USP34: variants seen among roughly 807,000 people sequenced by gnomAD.
The protein encoded by USP34 is ubiquitin specific peptidase 34, also known as ubiquitin carboxyl-terminal hydrolase 34.
USP34 carries 70 observed loss-of-function variants against 460.3 expected under a neutral mutation model. The observed-to-expected ratio is 0.15, with a 90% CI of 0.13 to 0.19. USP34 has a LOEUF of 0.19. USP34 is among the 10% of genes least tolerant of loss of function. USP34 has a pLI of 1.00. For missense variants in USP34, 3,985 were observed against 4,236.2 expected (o/e 0.94, Z 1.65); for synonymous variants, 1,647 against 1,405.3 (o/e 1.17, Z -3.85).
intron 16 of USP34, 42 bp from the exon 17 acceptor site, chr2:61,339,723 C>T (rs909192969): frequency 1.8e-6 from 2 of 1,090,678 alleles, no homozygotes; most frequent in Non-Finnish European, 2.5e-6. Context: ...TAGAGAAATG[C>T]AGCTGACTGA....
chr2:61,394,939 A>C lies in USP34; in HGVS notation c.667T>G (p.Ser223Ala), dbSNP rs767622887. 3.7e-6 allele frequency: 6 copies of C among 1,608,818 alleles called. No homozygotes were observed. The highest frequency in any genetic ancestry group is 5.1e-6 in the Non-Finnish European group (6 of 1,178,254). Reference protein sequence around the residue: ...VCLFCGKNGLSLMKDCFEYGT... With the variant: ...VCLFCGKNGLALMKDCFEYGT... ...TATTCAAAGCAATCCTTCATGAGAGAAAGGCCATTTTTCCCACAAAACAAA... is the reference window on the plus strand; with the variant it reads ...TATTCAAAGCAATCCTTCATGAGAGCAAGGCCATTTTTCCCACAAAACAAA... Residue 223 changes from serine to alanine, a missense_variant, in exon 5 of 80, where the codon TCT (serine) becomes GCT (alanine). Transcript: ENST00000398571.
intron 78 of USP34, 54 bp from the exon 79 acceptor site, chr2:61,189,123 AGTT>A: frequency 6.5e-7 from 1 of 1,545,566 alleles, no homozygotes; most frequent in South Asian, 1.2e-5. Flanking sequence ...ACTTTGATGC[AGTT>A]GTTTACAGTT....
chr2:61,406,869 G>A (rs183570026), intron 2 of USP34, among the ~76,000 whole-genome samples: 2 of 152,022 alleles, frequency 1.3e-5, no homozygotes, highest in African/African-American at 4.8e-5. Context: ...AAATAGCTGG[G>A]TATGGTGGTG....
At chr2:61,278,595 A>G in intron 39 of USP34, 152 bp from the exon 40 acceptor site, 1 of 594,952 alleles carries the variant, frequency 1.7e-6, no homozygotes, top group East Asian at 3.0e-5. Flanking sequence ...CTTTACTTAT[A>G]CATTATGTCA....
chr2:61,224,548 A>C (rs1029821563), intron 62 of USP34, among the ~76,000 whole-genome samples: 2 of 152,194 alleles, frequency 1.3e-5, no homozygotes, highest in Non-Finnish European at 2.9e-5. Context: ...GTCCTTGCTC[A>C]TTAATTAGCT....
rs202008155 is a variant in USP34 at position 61,468,131 on chromosome 2, G to GA, written c.43+2518dup. Among the ~76,000 whole-genome samples the GA allele has an allele frequency of 4.4e-4, 66 of 149,518 alleles. No homozygotes were observed. In the East Asian group the frequency reaches 7.2e-3, roughly 16 times the overall value. ...AGCCACGGATAAGCAAAGAACTACAGAAAAAAAAACAACTTTTAATAGTGT... is the reference window on the plus strand; with the variant it reads ...AGCCACGGATAAGCAAAGAACTACAGAAAAAAAAAACAACTTTTAATAGTGT... On this transcript the variant is annotated intron_variant, in intron 1 of 79. Transcript: ENST00000398571.
chr2:61,429,446 C>CA (rs1694602936), intron 1 of USP34, among the ~76,000 whole-genome samples: 1 of 151,948 alleles, frequency 6.6e-6, no homozygotes, highest in Non-Finnish European at 1.5e-5. Context: ...GACTCCGTCT[C>CA]AAAAAATAAA....
chr2:61,280,379 C>T (rs753032127), intron 38 of USP34, 31 bp from the exon 39 acceptor site: 18 of 1,109,974 alleles, frequency 1.6e-5, no homozygotes. Flanking sequence ...TTTGTGAAAA[C>T]ATTTTAAAAA....
At chr2:61,464,607 G>A (rs1221142582) in intron 1 of USP34, among the ~76,000 whole-genome samples, 1 of 149,528 alleles carries the variant, frequency 6.7e-6, no homozygotes, top group African/African-American at 2.5e-5. Context: ...AAACAATGAC[G>A]TACACCAGGC....
At chr2:61,391,195 C>T (rs1693334655) in intron 5 of USP34, among the ~76,000 whole-genome samples, 1 of 152,140 alleles carries the variant, frequency 6.6e-6, no homozygotes, top group Admixed American at 6.5e-5. Flanking sequence ...CCTGTAATCC[C>T]AGCACTTTAG....
chr2:61,241,665 G>T lies in USP34; in HGVS notation c.6682-10C>A. On this transcript the variant is annotated splice_polypyrimidine_tract_variant and intron_variant, in intron 52 of 79. Coordinates refer to ENST00000398571, the MANE Select transcript of USP34 (RefSeq NM_014709.4). ...TATATGCACTGTGTGTCTTTAAGAG[G>T]CAAGAAAAAAATTTATTTTCATTTT... is the stretch of plus-strand genomic sequence containing the variant. 1 of 1,553,852 alleles carries T rather than the reference G, an allele frequency of 6.4e-7. No homozygotes were observed. Among genetic ancestry groups the T allele is most frequent in the South Asian group, 1.2e-5 (1 of 80,918 alleles).
intron 14 of USP34, 103 bp from the exon 15 acceptor site, chr2:61,348,583 T>C (rs1691843134): frequency 8.9e-6 from 13 of 1,468,056 alleles, no homozygotes; most frequent in Non-Finnish European, 1.2e-5. Flanking sequence ...GCCAGTCTTG[T>C]TATACTCCTT....
intron 43 of USP34, among the ~76,000 whole-genome samples, chr2:61,264,291 T>C (rs558540298): frequency 6.6e-6 from 1 of 152,228 alleles, no homozygotes; most frequent in South Asian, 2.1e-4. Context: ...TCAGTGAAAG[T>C]ATATAAAGCA....
Position 61,348,646 on chromosome 2 carries a change from A to C in USP34, c.1674+110T>G. 8 of 1,455,556 alleles carry C rather than the reference A, an allele frequency of 5.5e-6. No homozygotes were observed. The South Asian group carries it at 1.0e-4, about 19-fold the overall frequency. The allele number at this position is 1,455,556 out of a possible 1,614,324, so 90.2% of individuals were successfully genotyped here. On this transcript the variant is annotated intron_variant, in intron 14 of 79. Coordinates refer to ENST00000398571, the MANE Select transcript of USP34 (RefSeq NM_014709.4). ...TCAAAGGATGTCAAAAATATTACGT[A>C]AAGGAGAGGACAAGCCCAAACATGA...
chr2:61,441,138 A>G (rs2104024468), intron 1 of USP34, among the ~76,000 whole-genome samples: 1 of 151,552 alleles, frequency 6.6e-6, no homozygotes, highest in South Asian at 2.1e-4. Context: ...AAAAAAAAAA[A>G]AAATTTTTTT....
At position 61,187,948 on chromosome 2, in the gene USP34, C is replaced by G. The variant is rs1002050275; in HGVS notation, c.*154G>C. 14 of 1,434,362 alleles carry G rather than the reference C, an allele frequency of 9.8e-6. No individual in the cohort carries two copies. Among genetic ancestry groups the G allele is most frequent in the Non-Finnish European group, 1.2e-5 (13 of 1,092,454 alleles). The allele number at this position is 1,434,362 out of a possible 1,614,324, so 88.9% of individuals were successfully genotyped here. ...ATGCAAGTTTTTTTCATCTGGAGTTCTGCCTGACCAAGAATTAAGCCTATA... is the reference window on the plus strand; with the variant it reads ...ATGCAAGTTTTTTTCATCTGGAGTTGTGCCTGACCAAGAATTAAGCCTATA... On this transcript the variant is annotated 3_prime_UTR_variant, in exon 80 of 80. Transcript: ENST00000398571.
chr2:61,194,095 A>G, intron 75 of USP34: 1 of 985,462 alleles, frequency 1.0e-6, no homozygotes, highest in Non-Finnish European at 1.2e-6. Flanking sequence ...TAATTTGCCA[A>G]ACCGTGGGTT....
At chr2:61,353,302 CTTTT>C in intron 10 of USP34, among the ~76,000 whole-genome samples, 1 of 150,708 alleles carries the variant, frequency 6.6e-6, no homozygotes, top group Middle Eastern at 3.5e-3. Flanking sequence ...TAGAGTTGTA[CTTTT>C]TTTTTGCGGA....
intron 16 of USP34, 130 bp downstream of exon 16, chr2:61,343,685 C>T (rs1691673917): frequency 1.1e-6 from 1 of 908,324 alleles, no homozygotes; most frequent in Admixed American, 2.9e-5. Context: ...AAAAAAACTA[C>T]CATATGTAAG....
Sources: gnomAD v4.1 joint callset for allele counts (sites outside exome capture counted in the v4.1 genomes callset) on GRCh38, gnomAD v4.1.1 for gene constraint, MANE v1.5 for transcripts, NCBI Gene and HGNC (gene_info 2026-07-23, HGNC 2026-07-21) for gene names.